CHN2: variants seen among roughly 807,000 people sequenced by gnomAD.
The protein encoded by CHN2 is chimerin 2.
Under a neutral mutation model 56.3 loss-of-function variants are expected in CHN2, and 35 were observed. That is an observed-to-expected ratio of 0.62 (90% confidence interval 0.47 to 0.82). The LOEUF (loss-of-function observed/expected upper bound fraction) is 0.82, where lower values mean the gene tolerates loss of function less well. Among genes scored for constraint, CHN2 ranks in the 40% least tolerant of loss-of-function variants. The pLI, the probability that CHN2 is intolerant of heterozygous loss-of-function variation, is 0.00. For synonymous variants in CHN2, 210 were observed against 212.8 expected (o/e 0.99, Z 0.12); for missense variants, 491 against 580.5 (o/e 0.85, Z 1.58).
At chr7:29,166,828 A>G (rs970155431) in intron 2 of CHN2, among the ~76,000 whole-genome samples, 2 of 151,924 alleles carry the variant, frequency 1.3e-5, no homozygotes, top group Admixed American at 6.6e-5. Context: ...GATATTCTCT[A>G]TTTTTTGTTT....
rs531399008 is a variant in CHN2 at position 29,480,262 on chromosome 7, T to C, written c.577-17T>C. On this transcript the variant is annotated splice_polypyrimidine_tract_variant and intron_variant, in intron 6 of 12. Transcript: ENST00000222792. ...GGCTTTCTTTGGCCCCCTCTCAAAC[T>C]CTTTGCCTGTTCACAGATCTCCTCC... 6.2e-6 allele frequency: 10 copies of C among 1,614,048 alleles called. No homozygotes were observed. Among genetic ancestry groups the C allele is most frequent in the Non-Finnish European group, 8.5e-6 (10 of 1,180,036 alleles).
intron 1 of CHN2, among the ~76,000 whole-genome samples, chr7:29,292,559 A>G (rs1228859502): frequency 6.6e-6 from 1 of 152,260 alleles, no homozygotes; most frequent in Non-Finnish European, 1.5e-5. Context: ...TTCCGCTTCT[A>G]TAATGCTTTG....
chr7:29,161,359 A>T (rs947712877), intron 2 of CHN2, among the ~76,000 whole-genome samples: 10 of 152,266 alleles, frequency 6.6e-5, no homozygotes, highest in African/African-American at 2.2e-4. Flanking sequence ...AAACCTAAGG[A>T]TTTCACTGAG....
intron 3 of CHN2, among the ~76,000 whole-genome samples, chr7:29,374,015 T>C (rs1036887592): frequency 6.6e-6 from 1 of 152,254 alleles, no homozygotes; most frequent in African/African-American, 2.4e-5. Flanking sequence ...AGATTGATTC[T>C]ACAAGCCACA....
intron 1 of CHN2, among the ~76,000 whole-genome samples, chr7:29,310,156 A>G (rs1308497176): frequency 6.6e-6 from 1 of 152,208 alleles, no homozygotes; most frequent in Non-Finnish European, 1.5e-5. Flanking sequence ...GAACACTAAA[A>G]TCAAGTATGT....
intron 3 of CHN2, among the ~76,000 whole-genome samples, chr7:29,390,746 C>G (rs901077684): frequency 1.3e-5 from 2 of 152,120 alleles, no homozygotes; most frequent in Non-Finnish European, 2.9e-5. Flanking sequence ...ATGGCCAACA[C>G]GGAGCCTTGC....
chr7:29,258,924 T>C (rs1332412583), intron 1 of CHN2, among the ~76,000 whole-genome samples: 1 of 152,046 alleles, frequency 6.6e-6, no homozygotes, highest in African/African-American at 2.4e-5. Context: ...CCTGTGCCAT[T>C]ATTGTAATCC....
chr7:29,465,625 A>G (rs1428940810), intron 6 of CHN2, among the ~76,000 whole-genome samples: 1 of 152,238 alleles, frequency 6.6e-6, no homozygotes, highest in Non-Finnish European at 1.5e-5. Flanking sequence ...AGTCTTCCTA[A>G]CAAGAAATTC....
intron 1 of CHN2, among the ~76,000 whole-genome samples, chr7:29,226,723 G>A (rs915389082): frequency 2.0e-5 from 3 of 152,138 alleles, no homozygotes; most frequent in African/African-American, 7.2e-5. Flanking sequence ...AATTATCCTG[G>A]TGATCCTAAT....
chr7:29,172,972 A>T (rs997593976), intron 2 of CHN2, among the ~76,000 whole-genome samples: 1 of 152,140 alleles, frequency 6.6e-6, no homozygotes, highest in South Asian at 2.1e-4. Context: ...TTCTACTAAA[A>T]ATACAAAAAT....
chr7:29,181,641 A>G (rs1029021258), intron 2 of CHN2, among the ~76,000 whole-genome samples: 7 of 152,234 alleles, frequency 4.6e-5, no homozygotes, highest in Admixed American at 4.6e-4. Context: ...TCCAAAAGGA[A>G]AGTAGCTTTA....
chr7:29,193,158 G>A (rs913645876), upstream of CHN2: 4 of 152,180 alleles, frequency 2.6e-5, no homozygotes, highest in South Asian at 2.1e-4. Flanking sequence ...GCAGTCCCAC[G>A]TGACTGAAGA....
chr7:29,223,724 G>A (rs989219850), intron 1 of CHN2, among the ~76,000 whole-genome samples: 7 of 151,942 alleles, frequency 4.6e-5, no homozygotes, highest in Non-Finnish European at 7.4e-5. Context: ...AAAAAATATT[G>A]CTATGAATAT....
At chr7:29,370,010 C>T (rs752352934) in intron 3 of CHN2, among the ~76,000 whole-genome samples, 1 of 152,216 alleles carries the variant, frequency 6.6e-6, no homozygotes, top group Non-Finnish European at 1.5e-5. Flanking sequence ...AGCTCCCTTT[C>T]CTCAGCAGGC....
At chr7:29,481,914 A>T (rs570939027) in intron 7 of CHN2, among the ~76,000 whole-genome samples, 1 of 152,306 alleles carries the variant, frequency 6.6e-6, no homozygotes, top group Admixed American at 6.5e-5. Context: ...TAGCTTGTCC[A>T]TGTATATTCT....
chr7:29,437,317 G>T lies in CHN2; in HGVS notation c.576+36489G>T, dbSNP rs1184746853. ...CTCAGCATTTAAGATATCTAAAACC[G>T]GCTGGGCGCGGTGGCTCACGCCTGT... On this transcript the variant is annotated intron_variant, in intron 6 of 12. Transcript: ENST00000222792. Among the ~76,000 whole-genome samples the T allele has an allele frequency of 1.0e-4, 9 of 86,520 alleles. 1 individual carries two copies. Among genetic ancestry groups the T allele is most frequent in the African/African-American group, 6.3e-4 (9 of 14,284 alleles). The allele number at this position is 86,520 out of a possible 152,430, so 56.8% of individuals were successfully genotyped here. A position where few individuals can be genotyped will look rare whatever the true frequency, so the allele number is the denominator to read the frequency against.
intron 1 of CHN2, among the ~76,000 whole-genome samples, chr7:29,332,016 GAA>G (rs35099980): frequency 0.3 from 41,808 of 137,158 alleles, 6,211 homozygotes; most frequent in Admixed American, 0.37. Flanking sequence ...TGTCTCAAAA[GAA>G]AAAAAAAAAA....
intron 11 of CHN2, among the ~76,000 whole-genome samples, chr7:29,507,840 T>C (rs1261177860): frequency 1.3e-5 from 2 of 152,210 alleles, no homozygotes; most frequent in Non-Finnish European, 2.9e-5. Flanking sequence ...TAAAATCTTA[T>C]AATGTTTTAA....
intron 1 of CHN2, among the ~76,000 whole-genome samples, chr7:29,279,363 TA>T (rs765279344): frequency 1.1e-4 from 16 of 152,266 alleles, no homozygotes; most frequent in Non-Finnish European, 1.8e-4. Flanking sequence ...GAAGGAAAAC[TA>T]TTGCTATAGG....
Sources: allele counts gnomAD v4.1 joint callset (sites outside exome capture counted in the v4.1 genomes callset), GRCh38; gene constraint gnomAD v4.1.1; transcripts MANE v1.5; gene names NCBI Gene and HGNC (gene_info 2026-07-23, HGNC 2026-07-21).